The following DAB1 variants were observed in gnomAD, a reference collection of about 807,000 sequenced individuals.
DAB1 encodes the protein disabled homolog 1.
A neutral mutation model predicts 64.6 loss-of-function variants in DAB1; 15 were observed. The observed-to-expected ratio is 0.23, with a 90% CI of 0.16 to 0.36. The LOEUF (loss-of-function observed/expected upper bound fraction) is 0.36. DAB1 is among the 10% of genes least tolerant of loss of function. The pLI, the probability that DAB1 is intolerant of heterozygous loss-of-function variation, is 1.00. For missense variants in DAB1, 596 were observed against 706.7 expected, an observed-to-expected ratio of 0.84 and a Z score of 1.78; for synonymous variants, 235 against 251.9, an observed-to-expected ratio of 0.93 and a Z score of 0.64.
intron 9 of DAB1, among the ~76,000 whole-genome samples, chr1:57,037,841 T>C (rs1647229518): frequency 6.6e-6 from 1 of 152,206 alleles, no homozygotes; most frequent in African/African-American, 2.4e-5. Context: ...ATAGAAACTC[T>C]GATTTTAATA....
At chr1:58,391,427 C>T (rs988816903) in intron 3 of DAB1, among the ~76,000 whole-genome samples, 1 of 152,160 alleles carries the variant, frequency 6.6e-6, no homozygotes, top group Non-Finnish European at 1.5e-5. Context: ...GGAGGGAGAA[C>T]AAATAGGCAA....
intron 5 of DAB1, among the ~76,000 whole-genome samples, chr1:58,118,503 T>TATACATATATACACAC: frequency 1.9e-5 from 1 of 53,110 alleles, no homozygotes; most frequent in East Asian, 1.3e-3. Context: ...TATATATATA[T>TATACATATATACACAC]ACACACACAC....
In DAB1 at chr1:58,020,940, T is replaced by C. The variant is rs1570237665; in HGVS notation, n.387+129571A>G. Among the ~76,000 whole-genome samples the C allele has an allele frequency of 2.0e-5, 3 of 151,366 alleles. No homozygotes were observed. In the East Asian group the frequency reaches 5.8e-4, roughly 29 times the overall value. ...ATCACTTGAACCCAGGAGGTGGAGG[T>C]TTCAGTGAGCAGAGATCACGCCACT... On this transcript the variant is annotated intron_variant and non_coding_transcript_variant, in intron 5 of 20. Transcript: ENST00000485760.
intron 6 of DAB1, among the ~76,000 whole-genome samples, chr1:57,796,377 A>T (rs1467975815): frequency 6.6e-6 from 1 of 151,966 alleles, no homozygotes; most frequent in African/African-American, 2.4e-5. Context: ...AATACAAAAA[A>T]TTAGCCAGGC....
rs527357993 is a variant in DAB1, at chr1:58,228,101, G to A, written n.310-77513C>T. Reference sequence around the variant, plus strand: ...AGTGATAGCTCAGAGCTTGGTATCCGAGATGAAAAAGACCACATGGAGTAA... The same window carrying A: ...AGTGATAGCTCAGAGCTTGGTATCCAAGATGAAAAAGACCACATGGAGTAA... On this transcript the variant is annotated intron_variant and non_coding_transcript_variant, in intron 4 of 20. Transcript: ENST00000485760. Among the ~76,000 whole-genome samples the A allele has an allele frequency of 7.2e-5, 11 of 152,274 alleles. No individual in the cohort carries two copies. In the East Asian group the frequency reaches 1.5e-3, roughly 21 times the overall value.
chr1:58,417,980 A>G (rs1644737850), intron 3 of DAB1, among the ~76,000 whole-genome samples: 1 of 152,112 alleles, frequency 6.6e-6, no homozygotes, highest in Admixed American at 6.5e-5. Context: ...GCTGGACCCC[A>G]CCTAGAAACA....
chr1:57,606,633 T>TAATATAATATATTATATATTA (rs1645652474), intron 7 of DAB1, among the ~76,000 whole-genome samples: 1 of 96,312 alleles, frequency 1.0e-5, no homozygotes, highest in African/African-American at 4.0e-5. Flanking sequence ...ATGAAATATA[T>TAATATAATATATTATATATTA]TATATATGAA....
intron 7 of DAB1, among the ~76,000 whole-genome samples, chr1:57,468,653 G>T (rs556395254): frequency 6.6e-6 from 1 of 152,196 alleles, no homozygotes; most frequent in East Asian, 1.9e-4. Flanking sequence ...GTGTATATTT[G>T]GGGGTTGTAA....
At chr1:57,673,548 G>A (rs571285581) in intron 6 of DAB1, among the ~76,000 whole-genome samples, 60 of 152,194 alleles carry the variant, frequency 3.9e-4, no homozygotes, top group Non-Finnish European at 7.4e-4. Context: ...AGGGAACATT[G>A]TGGATGGATG....
chr1:57,545,066 C>T (rs1052442101), intron 7 of DAB1, among the ~76,000 whole-genome samples: 1 of 152,212 alleles, frequency 6.6e-6, no homozygotes, highest in Admixed American at 6.5e-5. Flanking sequence ...TGTGACCTGA[C>T]TCCTGGCTAC....
intron 6 of DAB1, among the ~76,000 whole-genome samples, chr1:57,751,846 A>AAAT (rs1187792191): frequency 2.0e-5 from 3 of 152,102 alleles, no homozygotes; most frequent in African/African-American, 7.2e-5. Flanking sequence ...ATAAATAAAT[A>AAAT]AATAAATAAA....
chr1:58,164,532 G>A (rs1231761081), intron 4 of DAB1, among the ~76,000 whole-genome samples: 2 of 152,162 alleles, frequency 1.3e-5, no homozygotes, highest in African/African-American at 4.8e-5. Flanking sequence ...GCCCTTCTGA[G>A]TTTTATAGCT....
intron 2 of DAB1, among the ~76,000 whole-genome samples, chr1:57,256,099 T>C (rs754493500): frequency 6.6e-6 from 1 of 152,232 alleles, no homozygotes; most frequent in Non-Finnish European, 1.5e-5. Flanking sequence ...AATTGCTTGA[T>C]ATTATCCCTT....
intron 5 of DAB1, among the ~76,000 whole-genome samples, chr1:57,989,372 C>A (rs1646294568): frequency 6.6e-6 from 1 of 152,122 alleles, no homozygotes; most frequent in Non-Finnish European, 1.5e-5. Context: ...ACACAAAGAT[C>A]AAATGAGTGG....
intron 5 of DAB1, among the ~76,000 whole-genome samples, chr1:57,902,920 AT>A (rs1644497323): frequency 6.6e-6 from 1 of 152,196 alleles, no homozygotes; most frequent in Non-Finnish European, 1.5e-5. Flanking sequence ...AGACTGGGTC[AT>A]TTATAAAGGA....
rs186704811 is a variant in DAB1, at chr1:57,102,466, T to C, written c.307-30052A>G. Among the ~76,000 whole-genome samples, 572 of 152,314 alleles carry C rather than the reference T, an allele frequency of 3.8e-3. 3 individuals are homozygous for C. Among genetic ancestry groups the C allele is most frequent in the African/African-American group, 0.013 (544 of 41,580 alleles). On this transcript the variant is annotated intron_variant, in intron 4 of 14. Coordinates refer to ENST00000371236, the MANE Select transcript of DAB1 (RefSeq NM_001365792.1). ...TATAATGATTCCATTTTGTAAATAG[T>C]GTTTGGAATTGACTGACATGATACT...
chr1:57,308,779 C>T (rs1348566920), intron 1 of DAB1, among the ~76,000 whole-genome samples: 1 of 152,156 alleles, frequency 6.6e-6, no homozygotes, highest in Non-Finnish European at 1.5e-5. Flanking sequence ...TCTCAGTGCT[C>T]ATTTTAAAGA....
chr1:57,630,680 G>T (rs1203220828), intron 7 of DAB1, among the ~76,000 whole-genome samples: 2 of 152,090 alleles, frequency 1.3e-5, no homozygotes, highest in Non-Finnish European at 1.5e-5. Context: ...AAGCATCCTG[G>T]GCACCCCACG....
chr1:57,655,855 AC>A (rs1268204006), intron 6 of DAB1, among the ~76,000 whole-genome samples: 2 of 152,222 alleles, frequency 1.3e-5, no homozygotes, highest in African/African-American at 4.8e-5. Context: ...TTGTTGAAGA[AC>A]CTCTACCCCT....
Sources: allele counts gnomAD v4.1 joint callset (sites outside exome capture counted in the v4.1 genomes callset), GRCh38; gene constraint gnomAD v4.1.1; transcripts MANE v1.5; gene names NCBI Gene and HGNC (gene_info 2026-07-23, HGNC 2026-07-21).